The following PRKAR2B variants were observed in gnomAD, a reference collection of about 807,000 sequenced individuals.
PRKAR2B encodes the protein cAMP-dependent protein kinase type II-beta regulatory subunit.
A neutral mutation model predicts 49.9 loss-of-function variants in PRKAR2B; 14 were observed. The ratio of observed to expected loss-of-function variants is 0.28; its 90% CI spans 0.19 to 0.44. The LOEUF (loss-of-function observed/expected upper bound fraction) is 0.44. Among genes scored for constraint, PRKAR2B ranks in the 20% least tolerant of loss-of-function variants. The pLI, the probability that PRKAR2B is intolerant of heterozygous loss-of-function variation, is 1.00. For missense variants in PRKAR2B, 393 were observed against 537.9 expected (o/e 0.73, Z 2.67); for synonymous variants, 196 against 197.7 (o/e 0.99, Z 0.07).
In PRKAR2B at chr7:107,088,142, G is replaced by GAT. The variant is rs1388172383; in HGVS notation, c.343+17827_343+17828insTA. Among the ~76,000 whole-genome samples, 9 of 152,278 alleles carry GAT rather than the reference G, an allele frequency of 5.9e-5. No individual in the cohort carries two copies. The East Asian group carries it at 1.7e-3, about 29-fold the overall frequency. ...TGAGGCACAGAGAAATTAACTGGTA[G>GAT]AAGGAACCCACAGCTTATCAGGAGA... On this transcript the variant is annotated intron_variant, in intron 2 of 10. Transcript: ENST00000265717.
At chr7:107,062,290 T>A (rs902766314) in intron 1 of PRKAR2B, among the ~76,000 whole-genome samples, 1 of 152,184 alleles carries the variant, frequency 6.6e-6, no homozygotes, top group Non-Finnish European at 1.5e-5. Flanking sequence ...GTTTTTTCAA[T>A]GAATATTACC....
chr7:107,130,661 C>G (rs984338333), intron 4 of PRKAR2B, among the ~76,000 whole-genome samples: 2 of 152,116 alleles, frequency 1.3e-5, no homozygotes, highest in Admixed American at 1.3e-4. Flanking sequence ...CCACGTTTGC[C>G]GAGTACCATC....
At chr7:107,154,369 TCAGTTTTCAC>T (rs943073647) in intron 8 of PRKAR2B, among the ~76,000 whole-genome samples, 34 of 152,318 alleles carry the variant, frequency 2.2e-4, no homozygotes, top group African/African-American at 7.2e-4. Context: ...CAGACCATAT[TCAGTTTTCAC>T]CAGTTTTACA....
chr7:107,091,461 A>G (rs368645001), intron 2 of PRKAR2B, among the ~76,000 whole-genome samples: 1 of 152,142 alleles, frequency 6.6e-6, no homozygotes, highest in East Asian at 1.9e-4. Flanking sequence ...AACCTATGCC[A>G]CAGAGAGCAC....
chr7:107,125,671 G>T (rs188050759), intron 3 of PRKAR2B, among the ~76,000 whole-genome samples: 2 of 152,288 alleles, frequency 1.3e-5, no homozygotes, highest in African/African-American at 2.4e-5. Context: ...TACCGACGAG[G>T]TTAATTACAG....
At chr7:107,097,089 T>G (rs1195113783) in intron 2 of PRKAR2B, among the ~76,000 whole-genome samples, 1 of 152,218 alleles carries the variant, frequency 6.6e-6, no homozygotes, top group Non-Finnish European at 1.5e-5. Flanking sequence ...CTCATTGATC[T>G]GTCTAATGTT....
rs147242016 is a variant in PRKAR2B, at chr7:107,050,623, C to T, written c.307+5409C>T. 1.4e-4 allele frequency among the ~76,000 whole-genome samples: 22 copies of T among 151,962 alleles called. No individual in the cohort carries two copies. In the East Asian group the frequency reaches 4.3e-3, roughly 29 times the overall value. ...TTGTCAGTAGTAGTAGTAATAAAGTCCTACAGTGGAGGTTGGGGAATGATG... is the reference window on the plus strand; with the variant it reads ...TTGTCAGTAGTAGTAGTAATAAAGTTCTACAGTGGAGGTTGGGGAATGATG... On this transcript the variant is annotated intron_variant, in intron 1 of 10. Transcript: ENST00000265717.
At chr7:107,075,367 C>G (rs1158691408) in intron 2 of PRKAR2B, among the ~76,000 whole-genome samples, 1 of 151,224 alleles carries the variant, frequency 6.6e-6, no homozygotes, top group African/African-American at 2.4e-5. Flanking sequence ...TCCCAAAATG[C>G]TGGGATTATA....
chr7:107,078,835 C>A (rs889197891), intron 2 of PRKAR2B, among the ~76,000 whole-genome samples: 3 of 152,174 alleles, frequency 2.0e-5, no homozygotes, highest in Admixed American at 1.3e-4. Context: ...TCCCAGAGTT[C>A]TCTTAGAGCC....
intron 1 of PRKAR2B, among the ~76,000 whole-genome samples, chr7:107,052,019 AT>A (rs1205862754): frequency 6.6e-6 from 1 of 152,214 alleles, no homozygotes; most frequent in Non-Finnish European, 1.5e-5. Context: ...GTTCTAATAT[AT>A]TTCAGTTACA....
intron 2 of PRKAR2B, among the ~76,000 whole-genome samples, chr7:107,075,219 C>G (rs1344256523): frequency 6.6e-6 from 1 of 151,690 alleles, no homozygotes. Flanking sequence ...TCTTCTGCCT[C>G]AGCCTCCTGA....
At chr7:107,144,915 T>A (rs932932035) in intron 5 of PRKAR2B, among the ~76,000 whole-genome samples, 2 of 151,880 alleles carry the variant, frequency 1.3e-5, no homozygotes, top group African/African-American at 4.8e-5. Context: ...CTTGAAAGCA[T>A]GTTCTCTGAT....
chr7:107,119,435 CGTTTT>C (rs374824534), intron 2 of PRKAR2B, among the ~76,000 whole-genome samples: 422 of 152,124 alleles, frequency 2.8e-3, no homozygotes, highest in African/African-American at 9.8e-3. Flanking sequence ...GTTTTTGTTT[CGTTTT>C]GTTTTGTTTT....
At chr7:107,125,665 G>C (rs1380933058) in intron 3 of PRKAR2B, among the ~76,000 whole-genome samples, 1 of 152,120 alleles carries the variant, frequency 6.6e-6, no homozygotes, top group East Asian at 1.9e-4. Flanking sequence ...GGATTTTACC[G>C]ACGAGGTTAA....
At chr7:107,094,749 A>G (rs530212193) in intron 2 of PRKAR2B, among the ~76,000 whole-genome samples, 2 of 152,328 alleles carry the variant, frequency 1.3e-5, no homozygotes, top group South Asian at 4.1e-4. Context: ...CCCCAGCACC[A>G]TTTATTAAAT....
chr7:107,124,719 C>T (rs954627756), intron 3 of PRKAR2B, among the ~76,000 whole-genome samples: 7 of 152,082 alleles, frequency 4.6e-5, no homozygotes, highest in African/African-American at 1.2e-4. Flanking sequence ...TGTGCCTGAC[C>T]GATATACAGT....
chr7:107,046,965 G>T (rs890319357), intron 1 of PRKAR2B, among the ~76,000 whole-genome samples: 2 of 152,126 alleles, frequency 1.3e-5, no homozygotes, highest in African/African-American at 4.8e-5. Context: ...GCACAGAAAA[G>T]ATTCCATTTT....
At chr7:107,132,136 G>A (rs1795614341) in intron 4 of PRKAR2B, among the ~76,000 whole-genome samples, 1 of 152,228 alleles carries the variant, frequency 6.6e-6, no homozygotes, top group South Asian at 2.1e-4. Flanking sequence ...AGCTGGAAAG[G>A]TCACTGAGCT....
At chr7:107,089,249 C>T (rs1794676783) in intron 2 of PRKAR2B, among the ~76,000 whole-genome samples, 1 of 152,140 alleles carries the variant, frequency 6.6e-6, no homozygotes, top group South Asian at 2.1e-4. Context: ...GTGTAAAGGT[C>T]ATATAATAAG....
Sources: gnomAD v4.1 joint callset for allele counts (sites outside exome capture counted in the v4.1 genomes callset) on GRCh38, gnomAD v4.1.1 for gene constraint, MANE v1.5 for transcripts, NCBI Gene and HGNC (gene_info 2026-07-23, HGNC 2026-07-21) for gene names.